HS6ST3: variants seen among roughly 807,000 people sequenced by gnomAD.
The protein encoded by HS6ST3 is heparan-sulfate 6-O-sulfotransferase 3.
HS6ST3 carries 12 observed loss-of-function variants against 36.7 expected under a neutral mutation model. The ratio of observed to expected loss-of-function variants is 0.33; its 90% CI spans 0.21 to 0.53. HS6ST3 has a LOEUF of 0.53. HS6ST3 is among the 20% of genes least tolerant of loss of function. HS6ST3 has a pLI of 0.95. For synonymous variants in HS6ST3, 240 were observed against 257.5 expected, an observed-to-expected ratio of 0.93 and a Z score of 0.65; for missense variants, 584 against 640.9, an observed-to-expected ratio of 0.91 and a Z score of 0.96.
chr13:96,632,990 G>A (rs1334221708), intron 1 of HS6ST3, among the ~76,000 whole-genome samples: 1 of 152,188 alleles, frequency 6.6e-6, no homozygotes, highest in Non-Finnish European at 1.5e-5. Context: ...TGTGCTGAAA[G>A]CCACACTTGT....
At chr13:96,757,907 A>T (rs1876872528) in intron 1 of HS6ST3, among the ~76,000 whole-genome samples, 2 of 151,988 alleles carry the variant, frequency 1.3e-5, no homozygotes, top group African/African-American at 4.8e-5. Context: ...GAAAAATATT[A>T]ATTTGAATTT....
At chr13:96,268,824 C>T (rs535653098) in intron 1 of HS6ST3, among the ~76,000 whole-genome samples, 39 of 151,946 alleles carry the variant, frequency 2.6e-4, no homozygotes, top group African/African-American at 8.5e-4. Context: ...TGAAGACACA[C>T]GCACACACAT....
intron 1 of HS6ST3, among the ~76,000 whole-genome samples, chr13:96,415,144 C>T (rs961187102): frequency 1.3e-5 from 2 of 152,148 alleles, no homozygotes; most frequent in Non-Finnish European, 2.9e-5. Context: ...AATGGGGTGA[C>T]CTGTTCAACC....
intron 1 of HS6ST3, among the ~76,000 whole-genome samples, chr13:96,212,464 G>T (rs1200998373): frequency 6.6e-6 from 1 of 152,192 alleles, no homozygotes; most frequent in Non-Finnish European, 1.5e-5. Context: ...TTATGTGCTT[G>T]TAGATCTTGC....
chr13:96,479,568 G>C (rs1420803485), intron 1 of HS6ST3, among the ~76,000 whole-genome samples: 9 of 152,120 alleles, frequency 5.9e-5, no homozygotes, highest in African/African-American at 1.7e-4. Context: ...CAGGTGAGAG[G>C]GAATGGTAAC....
rs755302154 is a variant in HS6ST3 at position 96,091,266 on chromosome 13, C to G, written c.404C>G (p.Thr135Ser). 5.0e-6 allele frequency: 8 copies of G among 1,610,892 alleles called. No homozygotes were observed. The highest frequency in any genetic ancestry group is 1.6e-4 in the Middle Eastern group (1 of 6,080). The change falls in exon 1 of 2, where the codon ACC becomes AGC. Residue 135 changes from threonine (T) to serine (S), a missense_variant. Coordinates refer to ENST00000376705, the MANE Select transcript of HS6ST3 (RefSeq NM_153456.4). ...TTCAACTTCAGCCTGAAGGACCTGA[C>G]CCGCTTCGTGGATTTCAACATCAAA... ...PRFNFSLKDL[T>S]RFVDFNIKGR...
chr13:96,768,269 A>G (rs924590846), intron 1 of HS6ST3, among the ~76,000 whole-genome samples: 1 of 152,230 alleles, frequency 6.6e-6, no homozygotes, highest in African/African-American at 2.4e-5. Context: ...GAAGCAACAG[A>G]TTAAGGAAAA....
intron 1 of HS6ST3, among the ~76,000 whole-genome samples, chr13:96,197,924 G>A (rs1002250349): frequency 3.9e-5 from 6 of 152,256 alleles, no homozygotes; most frequent in South Asian, 2.1e-4. Flanking sequence ...CTGTGTGGGC[G>A]CTCTGACCCC....
intron 1 of HS6ST3, among the ~76,000 whole-genome samples, chr13:96,390,364 G>A (rs1315966498): frequency 1.3e-5 from 2 of 152,034 alleles, no homozygotes; most frequent in African/African-American, 2.4e-5. Flanking sequence ...GGACTTTGTG[G>A]TGGTGATTAA....
chr13:96,804,759 G>A (rs764768996), intron 1 of HS6ST3, among the ~76,000 whole-genome samples: 8 of 152,078 alleles, frequency 5.3e-5, no homozygotes. Flanking sequence ...ACTCTTTGAC[G>A]GGACTGCGTA....
At position 96,573,800 on chromosome 13, in the gene HS6ST3, A is replaced by G. The variant is rs184480771; in HGVS notation, c.708-258690A>G. 2.4e-5 allele frequency: 9 copies of G among 377,584 alleles called. No individual in the cohort carries two copies. In the Admixed American group the frequency reaches 3.4e-4, roughly 14 times the overall value. The allele number at this position is 377,584 out of a possible 1,614,324, so 23.4% of individuals were successfully genotyped here. A position where few individuals can be genotyped will look rare whatever the true frequency, so the allele number is the denominator to read the frequency against. ...GCCAGCATGTAGACAGCAGCAGCAGATAGGAGAGTGTGTTGGACTTAACTC... is the reference window on the plus strand; with the variant it reads ...GCCAGCATGTAGACAGCAGCAGCAGGTAGGAGAGTGTGTTGGACTTAACTC... On this transcript the variant is annotated intron_variant, in intron 1 of 1. Coordinates refer to ENST00000376705, the MANE Select transcript of HS6ST3 (RefSeq NM_153456.4).
chr13:96,116,474 A>G (rs1043406893), intron 1 of HS6ST3, among the ~76,000 whole-genome samples: 4 of 152,138 alleles, frequency 2.6e-5, no homozygotes, highest in African/African-American at 9.7e-5. Flanking sequence ...CTCTTTGAGA[A>G]AGAAACAACA....
At chr13:96,431,728 C>T (rs1163495551) in intron 1 of HS6ST3, among the ~76,000 whole-genome samples, 2 of 152,156 alleles carry the variant, frequency 1.3e-5, no homozygotes, top group African/African-American at 2.4e-5. Context: ...CAAGAACAAG[C>T]GATGGTTGGC....
intron 1 of HS6ST3, among the ~76,000 whole-genome samples, chr13:96,765,631 T>C (rs1027684874): frequency 3.5e-4 from 53 of 149,342 alleles, no homozygotes; most frequent in Admixed American, 7.3e-4. Context: ...TCTCTCTCTG[T>C]TTCTGTCTCT....
chr13:96,366,035 A>G (rs1473783621), intron 1 of HS6ST3, among the ~76,000 whole-genome samples: 1 of 152,238 alleles, frequency 6.6e-6, no homozygotes, highest in Non-Finnish European at 1.5e-5. Context: ...TAAAATGATC[A>G]TATCTACTGC....
rs189712696 is a variant in HS6ST3 at position 96,454,761 on chromosome 13, G to A, written c.707+363192G>A. Among the ~76,000 whole-genome samples the A allele has an allele frequency of 2.0e-5, 3 of 151,842 alleles. No homozygotes were observed. The East Asian group carries it at 5.8e-4, about 29-fold the overall frequency. ...CTCAGATCATGAGGATGGTGGTTAGGAATAGGAGCACTGACATTTTAAGAC... is the reference window on the plus strand; with the variant it reads ...CTCAGATCATGAGGATGGTGGTTAGAAATAGGAGCACTGACATTTTAAGAC... On this transcript the variant is annotated intron_variant, in intron 1 of 1. Transcript: ENST00000376705.
intron 1 of HS6ST3, among the ~76,000 whole-genome samples, chr13:96,819,630 G>A (rs907835402): frequency 1.3e-5 from 2 of 152,106 alleles, no homozygotes; most frequent in Non-Finnish European, 2.9e-5. Flanking sequence ...TAAGCACCTC[G>A]CATAGTGTTT....
intron 1 of HS6ST3, among the ~76,000 whole-genome samples, chr13:96,819,308 A>G (rs529726866): frequency 1.3e-5 from 2 of 152,180 alleles, no homozygotes; most frequent in South Asian, 4.1e-4. Context: ...TTACCTCCAG[A>G]CTGAAGTCTG....
At chr13:96,420,489 TTTATTTTGC>T (rs1186685506) in intron 1 of HS6ST3, among the ~76,000 whole-genome samples, 5 of 152,164 alleles carry the variant, frequency 3.3e-5, no homozygotes, top group African/African-American at 9.7e-5. Context: ...ATTTGAAAAA[TTTATTTTGC>T]TTATTTTGCT....
Sources: allele counts gnomAD v4.1 joint callset (sites outside exome capture counted in the v4.1 genomes callset), GRCh38; gene constraint gnomAD v4.1.1; transcripts MANE v1.5; gene names NCBI Gene and HGNC (gene_info 2026-07-23, HGNC 2026-07-21).